TSEN15: variants seen among roughly 807,000 people sequenced by gnomAD.
TSEN15 encodes tRNA-splicing endonuclease subunit Sen15.
A neutral mutation model predicts 20.5 loss-of-function variants in TSEN15; 10 were observed. The ratio of observed to expected loss-of-function variants is 0.49; its 90% CI spans 0.30 to 0.83. The LOEUF (loss-of-function observed/expected upper bound fraction) is 0.83, where lower values mean the gene tolerates loss of function less well. Among genes scored for constraint, TSEN15 ranks in the 40% least tolerant of loss-of-function variants. TSEN15 has a pLI of 0.06. For missense variants in TSEN15, 180 were observed against 218.6 expected (o/e 0.82, Z 1.11); for synonymous variants, 72 against 80.1 (o/e 0.90, Z 0.54).
intron 1 of TSEN15, among the ~76,000 whole-genome samples, chr1:184,054,030 C>T (rs1650151568): frequency 2.0e-5 from 3 of 152,184 alleles, no homozygotes; most frequent in Admixed American, 2.0e-4. Context: ...AACTTGTATC[C>T]CATCCCACCT....
chr1:184,076,369 C>T (rs193212057), downstream of TSEN15, among the ~76,000 whole-genome samples: 1 of 152,020 alleles, frequency 6.6e-6, no homozygotes, highest in Non-Finnish European at 1.5e-5. Flanking sequence ...TATAAGACAG[C>T]AAACTCAGTT....
intron 3 of TSEN15, among the ~76,000 whole-genome samples, chr1:184,061,014 C>T (rs912396492): frequency 6.6e-6 from 1 of 152,252 alleles, no homozygotes; most frequent in South Asian, 2.1e-4. Flanking sequence ...TCTTCCCCCC[C>T]AAAATAGCCA....
chr1:184,086,626 C>T (rs1369316314), intron 3 of TSEN15, among the ~76,000 whole-genome samples: 3 of 152,134 alleles, frequency 2.0e-5, no homozygotes, highest in African/African-American at 7.2e-5. Flanking sequence ...TGGCTGTTGG[C>T]AGGAGAAGGC....
chr1:184,088,619 A>C (rs937615094), intron 3 of TSEN15, among the ~76,000 whole-genome samples: 1 of 151,510 alleles, frequency 6.6e-6, no homozygotes, highest in Admixed American at 6.6e-5. Flanking sequence ...GAGTTTCACC[A>C]TATTGACCAG....
At chr1:184,095,571 C>T in intron 3 of TSEN15, 1 of 394,924 alleles carries the variant, frequency 2.5e-6, no homozygotes, top group Non-Finnish European at 4.5e-6. Context: ...TCCAACAGGA[C>T]TAATATTCTT....
intron 3 of TSEN15, among the ~76,000 whole-genome samples, chr1:184,057,029 C>A: frequency 6.6e-6 from 1 of 152,100 alleles, no homozygotes; most frequent in South Asian, 2.1e-4. Context: ...GTGACCTGGA[C>A]TCAGTGACTT....
chr1:184,060,692 CAAA>C (rs1310786926), intron 3 of TSEN15, among the ~76,000 whole-genome samples: 1 of 152,154 alleles, frequency 6.6e-6, no homozygotes, highest in African/African-American at 2.4e-5. Context: ...ACTTTACATA[CAAA>C]AAGCTGAGGT....
At chr1:184,072,396 C>G (rs1245732705) in intron 4 of TSEN15, 98 bp downstream of exon 4, 1 of 1,127,582 alleles carries the variant, frequency 8.9e-7, no homozygotes, top group Non-Finnish European at 1.2e-6. Context: ...CTGCCACTTC[C>G]TTTGCCATAG....
At chr1:184,084,986 AAC>A (rs1651234539) in intron 3 of TSEN15, among the ~76,000 whole-genome samples, 1 of 151,778 alleles carries the variant, frequency 6.6e-6, no homozygotes, top group South Asian at 2.1e-4. Context: ...TGGTGATGAT[AAC>A]ACTTTTTTTT....
chr1:184,054,597 C>T, intron 2 of TSEN15, 131 bp from the exon 3 acceptor site: 1 of 1,210,988 alleles, frequency 8.3e-7, no homozygotes, highest in East Asian at 2.5e-5. Context: ...GTAACAGAAG[C>T]TACTAGAAAA....
chr1:184,065,080 G>A (rs532982595), intron 3 of TSEN15, among the ~76,000 whole-genome samples: 1 of 152,164 alleles, frequency 6.6e-6, no homozygotes, highest in South Asian at 2.1e-4. Flanking sequence ...ATCTTGATTT[G>A]CTCCTATACT....
chr1:184,092,564 C>A (rs1021397095), intron 3 of TSEN15, among the ~76,000 whole-genome samples: 9 of 152,228 alleles, frequency 5.9e-5, no homozygotes, highest in African/African-American at 2.2e-4. Context: ...CTTGGTTTCT[C>A]ATCAAACCCT....
At position 184,059,656 on chromosome 1, in the gene TSEN15, C is replaced by T. The variant is rs137882992; in HGVS notation, c.353+4793C>T. Among the ~76,000 whole-genome samples the T allele has an allele frequency of 3.2e-3, 494 of 152,182 alleles. 1 individual carries two copies. Among genetic ancestry groups the T allele is most frequent in the African/African-American group, 7.9e-3 (327 of 41,526 alleles). On this transcript the variant is annotated intron_variant, in intron 3 of 4. Coordinates refer to ENST00000645668, the MANE Select transcript of TSEN15 (RefSeq NM_052965.4). ...CACAATCTCGGCACACTGCAGTCTC[C>T]GCCTCCCGGGTTCAAGTGATTCTCC...
rs1454707101 is a variant in TSEN15 at position 184,073,701 on chromosome 1, A to G, written c.*854A>G. 1 of 152,642 alleles carries G rather than the reference A, an allele frequency of 6.6e-6. No individual in the cohort carries two copies. The highest frequency in any genetic ancestry group is 2.4e-5 in the African/African-American group (1 of 41,466). The allele number at this position is 152,642 out of a possible 1,614,324, so 9.5% of individuals were successfully genotyped here. On this transcript the variant is annotated 3_prime_UTR_variant, in exon 5 of 5. Transcript: ENST00000645668. ...AGTAGCCCAAATTATAAACCACTTT[A>G]AAGTTTGGGGTAAAGATTGGCAAAC...
At chr1:184,079,036 A>G (rs1651115424), downstream of TSEN15, among the ~76,000 whole-genome samples, 1 of 152,162 alleles carries the variant, frequency 6.6e-6, no homozygotes, top group Non-Finnish European at 1.5e-5. Context: ...GAGTGTTTAC[A>G]TGTGCAGAAT....
chr1:184,061,794 C>A (rs1650465676), intron 3 of TSEN15, among the ~76,000 whole-genome samples: 1 of 152,148 alleles, frequency 6.6e-6, no homozygotes, highest in Admixed American at 6.5e-5. Flanking sequence ...TTCCCACTTA[C>A]TTTCCCAGGC....
At chr1:184,075,864 T>C (rs1042301340), downstream of TSEN15, among the ~76,000 whole-genome samples, 1 of 151,046 alleles carries the variant, frequency 6.6e-6, no homozygotes, top group African/African-American at 2.4e-5. Flanking sequence ...TAAAAGCCTG[T>C]TTAGGGTAGG....
rs145807531 is a variant in TSEN15 at position 184,064,467 on chromosome 1, G to A, written c.354-7690G>A. ...TGTGGCATGGGTGGAGAAGGAGTGA[G>A]TATGTGTGATACAAGAGATATGGGA... On this transcript the variant is annotated intron_variant, in intron 3 of 4. Coordinates refer to ENST00000645668, the MANE Select transcript of TSEN15 (RefSeq NM_052965.4). Among the ~76,000 whole-genome samples, 104 of 152,130 alleles carry A rather than the reference G, an allele frequency of 6.8e-4. 1 individual carries two copies. Among genetic ancestry groups the A allele is most frequent in the African/African-American group, 2.3e-3 (97 of 41,506 alleles).
At chr1:184,059,568 C>CT (rs941260914) in intron 3 of TSEN15, among the ~76,000 whole-genome samples, 2 of 151,910 alleles carry the variant, frequency 1.3e-5, no homozygotes, top group African/African-American at 4.8e-5. Flanking sequence ...ACATGTATAC[C>CT]TTTATACCTT....
Sources: gnomAD v4.1 joint callset for allele counts (sites outside exome capture counted in the v4.1 genomes callset) on GRCh38, gnomAD v4.1.1 for gene constraint, MANE v1.5 for transcripts, NCBI Gene and HGNC (gene_info 2026-07-23, HGNC 2026-07-21) for gene names.